Variants in EBF2 observed in about 807,000 individuals in gnomAD.
EBF2 encodes EBF transcription factor 2.
Under a neutral mutation model 72.8 loss-of-function variants are expected in EBF2, and 21 were observed. The ratio of observed to expected loss-of-function variants is 0.29; its 90% CI spans 0.20 to 0.42. The LOEUF (loss-of-function observed/expected upper bound fraction) is 0.42. Among genes scored for constraint, EBF2 ranks in the 10% least tolerant of loss-of-function variants. The pLI, the probability that EBF2 is intolerant of heterozygous loss-of-function variation, is 1.00. For synonymous variants in EBF2, 299 were observed against 274.2 expected (o/e 1.09, Z -0.89); for missense variants, 637 against 731.2 (o/e 0.87, Z 1.49).
At chr8:25,886,941 T>C (rs2117289770) in intron 9 of EBF2, 60 bp from the exon 10 acceptor site, 2 of 1,578,454 alleles carry the variant, frequency 1.3e-6, no homozygotes, top group East Asian at 2.2e-5. Context: ...ACCAAGGACA[T>C]AAGGTGTACA....
rs546074099 is a variant in EBF2 at position 26,023,941 on chromosome 8, C to T, written c.551+9144G>A. Among the ~76,000 whole-genome samples, 58 of 152,322 alleles carry T rather than the reference C, an allele frequency of 3.8e-4. No individual in the cohort carries two copies. In the East Asian group the frequency reaches 5.0e-3, roughly 13 times the overall value. On this transcript the variant is annotated intron_variant, in intron 6 of 15. Transcript: ENST00000520164. ...TCCTCAAAGTTCTGTCTCCAAAATA[C>T]CAGCCTGATCATGAAATGGCACAAC...
chr8:25,973,109 G>A (rs1804216256), intron 6 of EBF2, among the ~76,000 whole-genome samples: 1 of 151,980 alleles, frequency 6.6e-6, no homozygotes, highest in African/African-American at 2.4e-5. Flanking sequence ...GCAGTTTCCA[G>A]GGTATGGAAC....
intron 7 of EBF2, among the ~76,000 whole-genome samples, chr8:25,906,767 A>AAAATAAACAAACAAACAAAC (rs1803040402): frequency 6.7e-6 from 1 of 149,760 alleles, no homozygotes; most frequent in Non-Finnish European, 1.5e-5. Context: ...ACTCCATCTC[A>AAAATAAACAAACAAACAAAC]AAACAAACAA....
intron 15 of EBF2, among the ~76,000 whole-genome samples, chr8:25,848,004 C>T (rs1329919591): frequency 1.3e-5 from 2 of 151,784 alleles, no homozygotes; most frequent in African/African-American, 2.4e-5. Flanking sequence ...CCACCTGTAC[C>T]CCCAAAATTA....
At chr8:26,023,366 C>T (rs1321036627) in intron 6 of EBF2, among the ~76,000 whole-genome samples, 1 of 152,174 alleles carries the variant, frequency 6.6e-6, no homozygotes, top group Non-Finnish European at 1.5e-5. Context: ...TTGACCCATC[C>T]ACTTCCTAGC....
chr8:25,978,384 T>C (rs575630414), intron 6 of EBF2, among the ~76,000 whole-genome samples: 30 of 152,304 alleles, frequency 2.0e-4, no homozygotes, highest in African/African-American at 6.0e-4. Flanking sequence ...CAAGCAATTA[T>C]AGTGCTGTTT....
At chr8:26,036,548 AT>A (rs5890278) in intron 5 of EBF2, among the ~76,000 whole-genome samples, 140,151 of 151,072 alleles carry the variant, frequency 0.93, 65,131 homozygotes, top group East Asian at 1. Context: ...GCAAATTATT[AT>A]TTTTTTTTTT....
At chr8:25,997,739 T>C (rs1244923411) in intron 6 of EBF2, among the ~76,000 whole-genome samples, 1 of 152,202 alleles carries the variant, frequency 6.6e-6, no homozygotes, top group East Asian at 1.9e-4. Flanking sequence ...TTTCTCTCTC[T>C]GGCCCTTAGT....
At chr8:26,041,246 C>A (rs192362408) in intron 2 of EBF2, 77 of 570,618 alleles carry the variant, frequency 1.3e-4, no homozygotes. Flanking sequence ...AAAATGTCCT[C>A]AGAAGTGTGA....
chr8:25,977,643 G>A (rs185785765), intron 6 of EBF2, among the ~76,000 whole-genome samples: 300 of 152,270 alleles, frequency 2.0e-3, no homozygotes, highest in African/African-American at 6.4e-3. Flanking sequence ...CTTTGTTCCC[G>A]GACAAGGAAG....
intron 6 of EBF2, among the ~76,000 whole-genome samples, chr8:25,911,706 C>T (rs534696862): frequency 1.1e-4 from 16 of 152,164 alleles, no homozygotes; most frequent in Admixed American, 3.3e-4. Flanking sequence ...ACCTTCCTTC[C>T]AAAAAGGGTT....
chr8:26,004,843 C>T (rs1414005374), intron 6 of EBF2, among the ~76,000 whole-genome samples: 7 of 151,946 alleles, frequency 4.6e-5, no homozygotes, highest in African/African-American at 1.7e-4. Context: ...GACTTCGTAA[C>T]CAGGGCTGAG....
At chr8:25,952,498 C>CATGT (rs1803879468) in intron 6 of EBF2, among the ~76,000 whole-genome samples, 1 of 152,110 alleles carries the variant, frequency 6.6e-6, no homozygotes, top group African/African-American at 2.4e-5. Context: ...TGAACAGGAA[C>CATGT]ATGTACTCAC....
intron 10 of EBF2, among the ~76,000 whole-genome samples, chr8:25,883,151 A>C (rs1802630586): frequency 6.6e-6 from 1 of 152,246 alleles, no homozygotes; most frequent in Non-Finnish European, 1.5e-5. Flanking sequence ...ATTTGAATTT[A>C]CATGTAACAT....
intron 6 of EBF2, among the ~76,000 whole-genome samples, chr8:25,930,248 G>A (rs1803458186): frequency 6.6e-6 from 1 of 152,098 alleles, no homozygotes; most frequent in South Asian, 2.1e-4. Flanking sequence ...GGACACTTGA[G>A]GAAGCTGGCT....
At chr8:25,969,782 G>A (rs1456721661) in intron 6 of EBF2, among the ~76,000 whole-genome samples, 1 of 152,174 alleles carries the variant, frequency 6.6e-6, no homozygotes, top group Non-Finnish European at 1.5e-5. Context: ...ACAGCTCACT[G>A]CAGCTTTGAA....
At chr8:26,006,916 C>T (rs1804892427) in intron 6 of EBF2, among the ~76,000 whole-genome samples, 1 of 152,194 alleles carries the variant, frequency 6.6e-6, no homozygotes, top group African/African-American at 2.4e-5. Flanking sequence ...CAAAAACACT[C>T]CTCTGACCAT....
chr8:25,920,197 A>G (rs1300509341), intron 6 of EBF2, among the ~76,000 whole-genome samples: 2 of 152,240 alleles, frequency 1.3e-5, no homozygotes, highest in African/African-American at 4.8e-5. Context: ...CCTTTCAGGA[A>G]AAATCATTTG....
Position 26,044,588 on chromosome 8 carries a change from C to A in EBF2, c.131+141G>T, listed in dbSNP as rs1415842947. On this transcript the variant is annotated intron_variant, in intron 1 of 15. Coordinates refer to ENST00000520164, the MANE Select transcript of EBF2 (RefSeq NM_022659.4). The surrounding 1 kb of genome is among the most constrained non-coding windows in gnomAD (Gnocchi z 4.1). ...CTGCAGCGATCTGCTTGCCCGAGGG[C>A]GAGCCCCAGCGCGCAGGGCCTGGGC... 4.7e-6 allele frequency: 6 copies of A among 1,281,750 alleles called. No individual in the cohort carries two copies. In the Admixed American group the frequency reaches 1.4e-4, roughly 29 times the overall value. 79.4% of individuals were successfully genotyped at this position (1,281,750 alleles called of 1,614,324 possible).
Sources: gnomAD v4.1 joint callset for allele counts (sites outside exome capture counted in the v4.1 genomes callset) on GRCh38, gnomAD v4.1.1 for gene constraint, Gnocchi (gnomAD v3.1) non-coding constraint, MANE v1.5 for transcripts, NCBI Gene and HGNC (gene_info 2026-07-23, HGNC 2026-07-21) for gene names.